Variants in ARHGEF3 observed in about 807,000 individuals in gnomAD.
ARHGEF3 encodes 59.8 kDA protein.
Under a neutral mutation model 63.2 loss-of-function variants are expected in ARHGEF3, and 28 were observed. That is an observed-to-expected ratio of 0.44 (90% CI 0.33 to 0.61). The LOEUF is 0.61. Ranked by LOEUF, ARHGEF3 falls within the 20% of genes least tolerant of loss-of-function variation. ARHGEF3 has a pLI of 0.03. For missense variants in ARHGEF3, 533 were observed against 659.3 expected (o/e 0.81, Z 2.10); for synonymous variants, 266 against 254.2 (o/e 1.05, Z -0.44).
intron 1 of ARHGEF3, among the ~76,000 whole-genome samples, chr3:56,777,180 C>A (rs578226984): frequency 6.6e-6 from 1 of 152,114 alleles, no homozygotes; most frequent in Non-Finnish European, 1.5e-5. Flanking sequence ...CCCTTTAACA[C>A]GCAGAGAAAG....
chr3:56,982,136 C>T (rs1049474917), intron 2 of ARHGEF3, among the ~76,000 whole-genome samples: 3 of 151,978 alleles, frequency 2.0e-5, no homozygotes, highest in Admixed American at 2.0e-4. Flanking sequence ...CTGGGGAAAG[C>T]AGAGCAAGAG....
chr3:56,850,476 C>G (rs967256506), intron 4 of ARHGEF3, among the ~76,000 whole-genome samples: 6 of 152,182 alleles, frequency 3.9e-5, no homozygotes, highest in African/African-American at 1.4e-4. Context: ...TTGCAGTGAG[C>G]TGAGATAGCA....
At chr3:56,958,893 G>GAA in intron 2 of ARHGEF3, 1 of 1,549,538 alleles carries the variant, frequency 6.5e-7, no homozygotes, top group Non-Finnish European at 8.7e-7. Context: ...TTTAGGCCTA[G>GAA]AAGAGAAAAG....
At chr3:56,983,473 C>A (rs141207887) in intron 2 of ARHGEF3, among the ~76,000 whole-genome samples, 1 of 152,222 alleles carries the variant, frequency 6.6e-6, no homozygotes. Flanking sequence ...TCAGACTCTG[C>A]TGCAGACATA....
chr3:57,027,144 C>A (rs1323133554), intron 2 of ARHGEF3, among the ~76,000 whole-genome samples: 2 of 152,210 alleles, frequency 1.3e-5, no homozygotes, highest in African/African-American at 4.8e-5. Flanking sequence ...AGTGACAGAG[C>A]TAAGCATTTC....
chr3:57,010,334 T>C (rs1702641946), intron 2 of ARHGEF3, among the ~76,000 whole-genome samples: 1 of 151,744 alleles, frequency 6.6e-6, no homozygotes. Flanking sequence ...CGGGTGCCTG[T>C]AGTCCCAGCT....
At chr3:56,837,619 G>A (rs1411135701) in intron 4 of ARHGEF3, among the ~76,000 whole-genome samples, 8 of 152,334 alleles carry the variant, frequency 5.3e-5, no homozygotes, top group African/African-American at 9.6e-5. Flanking sequence ...AGCAGGGCCT[G>A]TGGAAGCTTG....
chr3:56,976,467 A>G (rs1167517185), intron 2 of ARHGEF3, among the ~76,000 whole-genome samples: 2 of 152,222 alleles, frequency 1.3e-5, no homozygotes, highest in Non-Finnish European at 2.9e-5. Flanking sequence ...GGAGCAGAAG[A>G]AAGTCTTTAT....
chr3:56,781,987 T>G (rs924869109), intron 1 of ARHGEF3, among the ~76,000 whole-genome samples: 3 of 152,126 alleles, frequency 2.0e-5, no homozygotes, highest in Admixed American at 6.5e-5. Context: ...AGGGCACATA[T>G]GCAGCACTGA....
At chr3:56,883,697 C>G (rs1385852348) in intron 3 of ARHGEF3, among the ~76,000 whole-genome samples, 1 of 152,204 alleles carries the variant, frequency 6.6e-6, no homozygotes, top group Non-Finnish European at 1.5e-5. Flanking sequence ...CTCAACCAAT[C>G]AGTCAAGTGT....
At chr3:56,870,543 A>G (rs1006759889) in intron 4 of ARHGEF3, among the ~76,000 whole-genome samples, 1 of 152,204 alleles carries the variant, frequency 6.6e-6, no homozygotes, top group African/African-American at 2.4e-5. Context: ...ATAATGGTGG[A>G]TATGTGTGAT....
chr3:57,062,452 G>A (rs867224892), intron 1 of ARHGEF3, among the ~76,000 whole-genome samples: 29 of 152,188 alleles, frequency 1.9e-4, no homozygotes, highest in Non-Finnish European at 2.8e-4. Flanking sequence ...GGAGCACGGC[G>A]GCGGGGGCGG....
chr3:56,907,361 A>G (rs1430384181), intron 3 of ARHGEF3, among the ~76,000 whole-genome samples: 1 of 152,194 alleles, frequency 6.6e-6, no homozygotes. Context: ...TTCTTTTTAC[A>G]TAGAAATAAA....
intron 4 of ARHGEF3, among the ~76,000 whole-genome samples, chr3:56,867,933 G>T (rs1241880140): frequency 6.6e-6 from 1 of 152,116 alleles, no homozygotes; most frequent in Non-Finnish European, 1.5e-5. Context: ...GTGTGATTCT[G>T]GCTCTATTTA....
At chr3:57,067,770 A>G (rs934125852) in intron 1 of ARHGEF3, among the ~76,000 whole-genome samples, 8 of 151,254 alleles carry the variant, frequency 5.3e-5, no homozygotes, top group Non-Finnish European at 1.2e-4. Context: ...TCATGAGGTC[A>G]GGAGATCGAG....
rs747105755 is a variant in ARHGEF3, at chr3:56,737,630, C to T, written c.871-275G>A. On this transcript the variant is annotated intron_variant, in intron 7 of 9. Transcript: ENST00000296315. The stretch of plus-strand genomic sequence containing the variant: ...ACTAATATTGATGAATAATTTTATC[C>T]GGGAGGAAGAATACCTATTGAACTC... Among the ~76,000 whole-genome samples the T allele has an allele frequency of 3.0e-4, 45 of 151,736 alleles. No individual in the cohort carries two copies. The highest frequency in any genetic ancestry group is 6.2e-4 in the Non-Finnish European group (42 of 67,998).
chr3:56,755,209 T>C, intron 2 of ARHGEF3, 58 bp from the exon 3 acceptor site: 1 of 1,561,260 alleles, frequency 6.4e-7, no homozygotes, highest in Non-Finnish European at 8.7e-7. Flanking sequence ...GGTGGATCTT[T>C]GAGCAGTTTC....
At chr3:57,034,991 A>C in intron 2 of ARHGEF3, 1 of 1,035,974 alleles carries the variant, frequency 9.7e-7, no homozygotes, top group Non-Finnish European at 1.4e-6. Context: ...GCCTCTACTG[A>C]CTTATGTAGG....
intron 1 of ARHGEF3, chr3:56,775,626 T>C (rs2036247255): frequency 3.0e-6 from 3 of 985,524 alleles, no homozygotes; most frequent in South Asian, 4.7e-5. Context: ...ATGATTTAAG[T>C]GCTGAAGGGA....
Sources: gnomAD v4.1 joint callset for allele counts (sites outside exome capture counted in the v4.1 genomes callset) on GRCh38, gnomAD v4.1.1 for gene constraint, MANE v1.5 for transcripts, NCBI Gene and HGNC (gene_info 2026-07-23, HGNC 2026-07-21) for gene names.